The following SKP2 variants were observed in gnomAD, a reference collection of about 807,000 sequenced individuals.
SKP2 encodes S-phase kinase-associated protein 2.
SKP2 carries 16 observed loss-of-function variants against 51.8 expected under a neutral mutation model. The observed-to-expected ratio is 0.31, with a 90% CI of 0.21 to 0.47. The LOEUF is 0.47. Among genes scored for constraint, SKP2 ranks in the 20% least tolerant of loss-of-function variants. The probability of loss-of-function intolerance (pLI) is 1.00; values close to 1 mark genes in which losing one functional copy is unlikely to be tolerated. For missense variants in SKP2, 377 were observed against 505.3 expected, an observed-to-expected ratio of 0.75 and a Z score of 2.43; for synonymous variants, 176 against 198.6, an observed-to-expected ratio of 0.89 and a Z score of 0.96.
chr5:36,156,607 C>T (rs1468053517), intron 2 of SKP2, among the ~76,000 whole-genome samples: 1 of 152,128 alleles, frequency 6.6e-6, no homozygotes, highest in African/African-American at 2.4e-5. Flanking sequence ...AGGTCAGTAA[C>T]AGGCGGAAAG....
chr5:36,185,739 C>CT (rs1561046504), downstream of SKP2, among the ~76,000 whole-genome samples: 1 of 152,114 alleles, frequency 6.6e-6, no homozygotes, highest in Non-Finnish European at 1.5e-5. Flanking sequence ...AATACGGGCT[C>CT]TTTTTTGGTT....
chr5:36,164,085 C>T (rs1360327823), intron 3 of SKP2, among the ~76,000 whole-genome samples: 6 of 152,172 alleles, frequency 3.9e-5, no homozygotes, highest in Non-Finnish European at 5.9e-5. Context: ...CCTCACGCCG[C>T]TGGGCTGAGC....
chr5:36,181,163 C>A (rs933218639), intron 9 of SKP2, among the ~76,000 whole-genome samples: 1 of 152,068 alleles, frequency 6.6e-6, no homozygotes, highest in Non-Finnish European at 1.5e-5. Flanking sequence ...AATGGTAATA[C>A]GTAGGGAGGT....
intron 5 of SKP2, 79 bp downstream of exon 5, chr5:36,168,526 C>T: frequency 2.2e-6 from 3 of 1,350,326 alleles, no homozygotes; most frequent in South Asian, 2.4e-5. Context: ...ACTGGGGTGC[C>T]CTTCTAGCCA....
chr5:36,171,558 C>T (rs768032720), intron 6 of SKP2, 45 bp from the exon 7 acceptor site: 41 of 1,586,824 alleles, frequency 2.6e-5, no homozygotes, highest in Admixed American at 1.4e-4. Context: ...AACTCATTCC[C>T]GTGTGATGGT....
intron 2 of SKP2, among the ~76,000 whole-genome samples, chr5:36,158,257 A>G (rs1745014082): frequency 6.6e-6 from 1 of 152,248 alleles, no homozygotes; most frequent in Admixed American, 6.5e-5. Context: ...GCTCTCTGCA[A>G]ACAGACCAGG....
At chr5:36,177,331 G>C in intron 9 of SKP2, 39 bp downstream of exon 9, 1 of 1,215,186 alleles carries the variant, frequency 8.2e-7, no homozygotes. Context: ...TAGAAGGCAG[G>C]AAACAACAGA....
At chr5:36,175,185 A>G (rs1480324023) in intron 7 of SKP2, among the ~76,000 whole-genome samples, 2 of 152,098 alleles carry the variant, frequency 1.3e-5, no homozygotes, top group East Asian at 3.9e-4. Context: ...AGATTTGGTG[A>G]CACAATGAAC....
downstream of SKP2, among the ~76,000 whole-genome samples, chr5:36,185,843 C>T (rs1235597083): frequency 6.6e-6 from 1 of 152,140 alleles, no homozygotes; most frequent in East Asian, 1.9e-4. Context: ...TTACCTTAGG[C>T]AGTATGGCCA....
At chr5:36,153,611 G>GC (rs1744833686) in intron 2 of SKP2, among the ~76,000 whole-genome samples, 1 of 151,872 alleles carries the variant, frequency 6.6e-6, no homozygotes, top group Non-Finnish European at 1.5e-5. Flanking sequence ...GCTTCCCACC[G>GC]CCCCCCAACA....
intron 2 of SKP2, among the ~76,000 whole-genome samples, chr5:36,155,603 T>C (rs1217058115): frequency 1.3e-5 from 2 of 152,242 alleles, no homozygotes; most frequent in Non-Finnish European, 2.9e-5. Flanking sequence ...TTTAATATTG[T>C]TACTCTGACC....
chr5:36,160,950 C>T (rs1266719954), intron 2 of SKP2, among the ~76,000 whole-genome samples: 2 of 152,104 alleles, frequency 1.3e-5, no homozygotes, highest in Admixed American at 6.5e-5. Flanking sequence ...CCCTGAAGGG[C>T]GTGAGGCTAG....
intron 6 of SKP2, among the ~76,000 whole-genome samples, chr5:36,192,110 TA>T (rs962565689): frequency 2.0e-5 from 3 of 152,124 alleles, no homozygotes; most frequent in African/African-American, 7.2e-5. Flanking sequence ...TGATTTTCTT[TA>T]AAAAAAGTCT....
chr5:36,168,373 C>T lies in SKP2; in HGVS notation c.597C>T (p.His199=), dbSNP rs780541105. The change falls in exon 5 of 10, where the codon CAC becomes CAT. Residue 199 remains histidine (H), a synonymous_variant. Coordinates refer to ENST00000274255, the MANE Select transcript of SKP2 (RefSeq NM_005983.4). ...CAGTTATAGAAGTGTCCACCCTCCACGGCATACTGTCTCAGTGTTCCAAGT... is the reference window on the plus strand; with the variant it reads ...CAGTTATAGAAGTGTCCACCCTCCATGGCATACTGTCTCAGTGTTCCAAGT... The part of the protein sequence containing the change: ...SNSVIEVSTL[H]GILSQCSKLQ... 4.1e-5 allele frequency: 66 copies of T among 1,613,982 alleles called. No individual in the cohort carries two copies. The highest frequency in any genetic ancestry group is 5.2e-5 in the Non-Finnish European group (61 of 1,179,824).
chr5:36,176,875 A>C (rs971815376), intron 7 of SKP2, 90 bp from the exon 8 acceptor site: 1 of 799,818 alleles, frequency 1.3e-6, no homozygotes, highest in Non-Finnish European at 2.1e-6. Flanking sequence ...CTGAACTTCC[A>C]GCATGATGTT....
chr5:36,181,154 A>G (rs1278521649), intron 9 of SKP2, among the ~76,000 whole-genome samples: 1 of 152,178 alleles, frequency 6.6e-6, no homozygotes, highest in Non-Finnish European at 1.5e-5. Flanking sequence ...CAGAAAAAAA[A>G]TGGTAATACG....
In SKP2 at chr5:36,193,146, C is replaced by G. The variant is rs1042422471; in HGVS notation, c.707+451C>G. On this transcript the variant is annotated intron_variant, in intron 7 of 7. Coordinates refer to the SKP2 transcript ENST00000677886. ...CAGATCTATTTGGACAATCAGATTT[C>G]CTTGAGATTAAGGATGGAGTTGGCA... The G allele has an allele frequency of 9.2e-5, 14 of 152,074 alleles. 1 individual carries two copies. The highest frequency in any genetic ancestry group is 3.9e-4 in the Admixed American group (6 of 15,272). The allele number at this position is 152,074 out of a possible 1,614,324, so 9.4% of individuals were successfully genotyped here.
downstream of SKP2, among the ~76,000 whole-genome samples, chr5:36,186,431 A>G (rs1745956410): frequency 2.6e-5 from 4 of 152,158 alleles, no homozygotes; most frequent in Admixed American, 2.6e-4. Context: ...TGCCCCATCA[A>G]TACCTTATTG....
At chr5:36,180,095 C>G (rs1302164654) in intron 9 of SKP2, 1 of 438,664 alleles carries the variant, frequency 2.3e-6, no homozygotes, top group African/African-American at 2.0e-5. Context: ...GTTGCAAGAA[C>G]ATGTCCTCCT....
Sources: allele counts gnomAD v4.1 joint callset (sites outside exome capture counted in the v4.1 genomes callset), GRCh38; gene constraint gnomAD v4.1.1; transcripts MANE v1.5; gene names NCBI Gene and HGNC (gene_info 2026-07-23, HGNC 2026-07-21).